RBFOX1: variants seen among roughly 807,000 people sequenced by gnomAD.
The protein encoded by RBFOX1 is RNA binding fox-1 homolog 1.
Under a neutral mutation model 57.7 loss-of-function variants are expected in RBFOX1, and 8 were observed. The observed-to-expected ratio is 0.14, with a 90% CI of 0.08 to 0.25. The LOEUF (loss-of-function observed/expected upper bound fraction) is 0.25, where lower values mean the gene tolerates loss of function less well. Ranked by LOEUF, RBFOX1 falls within the 10% of genes least tolerant of loss-of-function variation. RBFOX1 has a pLI of 1.00. For synonymous variants in RBFOX1, 326 were observed against 222.4 expected (o/e 1.47, Z -4.15); for missense variants, 611 against 548.5 (o/e 1.11, Z -1.14).
At chr16:7,124,561 CCCTT>C (rs1202629320) in intron 4 of RBFOX1, among the ~76,000 whole-genome samples, 143 of 129,212 alleles carry the variant, frequency 1.1e-3, no homozygotes, top group Non-Finnish European at 1.8e-3. Context: ...CTCCCTCCCT[CCCTT>C]CCTTCCTTCC....
chr16:7,072,029 A>G (rs115049778), intron 4 of RBFOX1, among the ~76,000 whole-genome samples: 1 of 152,178 alleles, frequency 6.6e-6, no homozygotes, highest in African/African-American at 2.4e-5. Context: ...TCGAAGTCAT[A>G]ACGATTTCTA....
chr16:5,958,745 C>A (rs1390974402), intron 4 of RBFOX1, among the ~76,000 whole-genome samples: 3 of 152,208 alleles, frequency 2.0e-5, no homozygotes, highest in Non-Finnish European at 2.9e-5. Context: ...AGGAGATAAT[C>A]TATTCCTTGC....
At chr16:6,193,396 A>ACATTATATATATATAC (rs1555545391) in intron 1 of RBFOX1, among the ~76,000 whole-genome samples, 35 of 31,784 alleles carry the variant, frequency 1.1e-3, no homozygotes, top group South Asian at 4.2e-3. Flanking sequence ...TATATACTAT[A>ACATTATATATATATAC]TATATATATA....
chr16:5,682,905 G>T (rs2050387023), intron 3 of RBFOX1, among the ~76,000 whole-genome samples: 1 of 152,148 alleles, frequency 6.6e-6, no homozygotes, highest in South Asian at 2.1e-4. Context: ...CTGTGGAAGT[G>T]CAGACCCCAA....
At chr16:6,836,177 T>C (rs748320337) in intron 3 of RBFOX1, among the ~76,000 whole-genome samples, 2 of 152,218 alleles carry the variant, frequency 1.3e-5, no homozygotes, top group Non-Finnish European at 2.9e-5. Context: ...GGTAACGCAT[T>C]ATTGAATATG....
chr16:6,865,126 C>A (rs2059698479), intron 3 of RBFOX1, among the ~76,000 whole-genome samples: 2 of 151,386 alleles, frequency 1.3e-5, no homozygotes, highest in South Asian at 2.1e-4. Context: ...CCTTAGCCTC[C>A]CAAGTAGCTG....
chr16:6,084,854 T>C (rs2096062295), intron 1 of RBFOX1, among the ~76,000 whole-genome samples: 1 of 152,188 alleles, frequency 6.6e-6, no homozygotes, highest in Non-Finnish European at 1.5e-5. Flanking sequence ...AATTTTGACC[T>C]TGAGCTATCT....
intron 3 of RBFOX1, among the ~76,000 whole-genome samples, chr16:7,013,945 A>C (rs1963130367): frequency 6.6e-6 from 1 of 152,188 alleles, no homozygotes; most frequent in African/African-American, 2.4e-5. Context: ...GATTTGAGCC[A>C]CGGCGCTTGG....
At chr16:6,164,011 T>A (rs2152749983) in intron 1 of RBFOX1, among the ~76,000 whole-genome samples, 1 of 152,338 alleles carries the variant, frequency 6.6e-6, no homozygotes, top group Non-Finnish European at 1.5e-5. Context: ...GAGTTACATT[T>A]TTGTGACGAG....
chr16:5,424,925 T>TTCTTTCTTTC lies in RBFOX1; in HGVS notation c.220-42287_220-42278dup, dbSNP rs1196127489. ...TTTCTTTCTTTCTTTCTTTCTTTCT[T>TTCTTTCTTTC]TCTTTCTTTCTCTCTCTTCTTTCTT... On this transcript the variant is annotated intron_variant, in intron 1 of 2. Transcript: ENST00000585867. Among the ~76,000 whole-genome samples, 56 of 102,820 alleles carry TTCTTTCTTTC rather than the reference T, an allele frequency of 5.4e-4. 4 individuals carry two copies. The highest frequency in any genetic ancestry group is 2.0e-3 in the African/African-American group (55 of 27,576). The allele number at this position is 102,820 out of a possible 152,430, so 67.5% of individuals were successfully genotyped here.
chr16:7,665,892 G>C (rs1197218788), intron 13 of RBFOX1, among the ~76,000 whole-genome samples: 4 of 152,024 alleles, frequency 2.6e-5, no homozygotes, highest in Admixed American at 2.6e-4. Flanking sequence ...TATTCCTTTT[G>C]AATTTCAAAT....
At chr16:7,513,607 C>T (rs2075695993) in intron 4 of RBFOX1, among the ~76,000 whole-genome samples, 2 of 152,182 alleles carry the variant, frequency 1.3e-5, no homozygotes, top group South Asian at 4.1e-4. Flanking sequence ...ATGGCAGTAG[C>T]ACATCCTCCC....
intron 1 of RBFOX1, among the ~76,000 whole-genome samples, chr16:6,050,303 G>A (rs2095539660): frequency 6.6e-6 from 1 of 152,216 alleles, no homozygotes; most frequent in South Asian, 2.1e-4. Flanking sequence ...ATATTTTTGT[G>A]TGTTTGTTTT....
intron 4 of RBFOX1, among the ~76,000 whole-genome samples, chr16:7,217,289 C>CT (rs1430433105): frequency 1.7e-5 from 1 of 58,564 alleles, no homozygotes; most frequent in African/African-American, 7.3e-5. Flanking sequence ...TTTTCTTATT[C>CT]TTCTTTTTTT....
intron 3 of RBFOX1, among the ~76,000 whole-genome samples, chr16:5,717,976 A>C (rs113279348): frequency 8.5e-5 from 13 of 152,292 alleles, no homozygotes; most frequent in African/African-American, 3.1e-4. Context: ...CTTCTGGACA[A>C]TGTTATGCAT....
At chr16:6,018,184 A>AAGAAAG (rs2095009992), upstream of RBFOX1, among the ~76,000 whole-genome samples, 1 of 68,554 alleles carries the variant, frequency 1.5e-5, no homozygotes, top group South Asian at 5.6e-4. Flanking sequence ...AAGGGAGGAA[A>AAGAAAG]GGAGGAAGGA....
chr16:7,362,572 T>C (rs570930736), intron 4 of RBFOX1, among the ~76,000 whole-genome samples: 1 of 152,184 alleles, frequency 6.6e-6, no homozygotes, highest in South Asian at 2.1e-4. Flanking sequence ...TGTTTGCATG[T>C]TAGTGTGTGT....
chr16:7,031,712 A>G (rs745999410), intron 3 of RBFOX1, among the ~76,000 whole-genome samples: 3 of 152,152 alleles, frequency 2.0e-5, no homozygotes, highest in African/African-American at 4.8e-5. Flanking sequence ...AATGCTACCT[A>G]TTGTGATTTT....
intron 3 of RBFOX1, among the ~76,000 whole-genome samples, chr16:6,709,851 G>A (rs953791807): frequency 1.3e-5 from 2 of 152,150 alleles, no homozygotes; most frequent in Non-Finnish European, 2.9e-5. Context: ...GTACACAACC[G>A]GAAGGTATGG....
Sources: gnomAD v4.1 joint callset for allele counts (sites outside exome capture counted in the v4.1 genomes callset) on GRCh38, gnomAD v4.1.1 for gene constraint, MANE v1.5 for transcripts, NCBI Gene and HGNC (gene_info 2026-07-23, HGNC 2026-07-21) for gene names.